The following RNF185 variants were observed in gnomAD, a reference collection of about 807,000 sequenced individuals.
The protein encoded by RNF185 is ring finger protein 185.
A neutral mutation model predicts 24.9 loss-of-function variants in RNF185; 13 were observed. The observed-to-expected ratio is 0.52, with a 90% CI of 0.34 to 0.83. The LOEUF (loss-of-function observed/expected upper bound fraction) is 0.83. RNF185 is among the 40% of genes least tolerant of loss of function. RNF185 has a pLI of 0.01. For synonymous variants in RNF185, 79 were observed against 90.3 expected (o/e 0.88, Z 0.71); for missense variants, 184 against 244.7 (o/e 0.75, Z 1.65).
rs1315419292 is a variant in RNF185, at chr22:31,192,260, A to G, written c.177-424A>G. Reference sequence around the variant, plus strand: ...TGAACCCACTGAAATTGAGTGTAAAATAGTGTGTAGTACATGTGTATGTGA... The same window carrying G: ...TGAACCCACTGAAATTGAGTGTAAAGTAGTGTGTAGTACATGTGTATGTGA... On this transcript the variant is annotated intron_variant, in intron 2 of 6. Transcript: ENST00000326132. 7.9e-5 allele frequency among the ~76,000 whole-genome samples: 12 copies of G among 152,172 alleles called. No homozygotes were observed. The East Asian group carries it at 2.3e-3, about 29-fold the overall frequency.
Position 31,201,616 on chromosome 22 carries a change from G to C in RNF185, c.481+1G>C, listed in dbSNP as rs2048264028. ...ATAAATGATGGGCGGCCTCCTCCAG[G>C]TAAGACCCTATTTCCTTGAGAAATT... On this transcript the variant is annotated splice_donor_variant, in intron 6 of 6. Coordinates refer to ENST00000326132, the MANE Select transcript of RNF185 (RefSeq NM_152267.4). LOFTEE classifies it high-confidence loss of function. The C allele has an allele frequency of 6.3e-7, 1 of 1,594,982 alleles. No homozygotes were observed. The highest frequency in any genetic ancestry group is 8.6e-7 in the Non-Finnish European group (1 of 1,163,004).
chr22:31,162,650 G>A (rs545392432), intron 1 of RNF185, among the ~76,000 whole-genome samples: 92 of 150,332 alleles, frequency 6.1e-4, no homozygotes, highest in Admixed American at 1.6e-3. Flanking sequence ...GCACACGTTA[G>A]CAAATTCTGA....
chr22:31,162,765 T>TA (rs1287808925), intron 1 of RNF185, among the ~76,000 whole-genome samples: 2 of 117,260 alleles, frequency 1.7e-5, no homozygotes, highest in African/African-American at 6.1e-5. Flanking sequence ...CATTTTTCTT[T>TA]CTTTTTTTTT....
chr22:31,202,910 G>A (rs7289883), intron 6 of RNF185, among the ~76,000 whole-genome samples: 10,562 of 152,126 alleles, frequency 0.069, 1,225 homozygotes, highest in African/African-American at 0.24. Context: ...CACCGCGCCC[G>A]GCCCTGGGGA....
chr22:31,187,330 C>T (rs1248435183), intron 2 of RNF185, 60 bp downstream of exon 2: 5 of 1,593,432 alleles, frequency 3.1e-6, no homozygotes, highest in Admixed American at 1.7e-5. Flanking sequence ...GCCTGTGGCC[C>T]TGGGTGGTTT....
chr22:31,186,579 G>T (rs2048100490), intron 1 of RNF185, among the ~76,000 whole-genome samples: 1 of 152,206 alleles, frequency 6.6e-6, no homozygotes, highest in African/African-American at 2.4e-5. Flanking sequence ...TCCAGCCTGG[G>T]CGACAGAGTG....
Position 31,174,630 on chromosome 22 carries a change from G to A in RNF185, c.-48-12417G>A, listed in dbSNP as rs915097782. On this transcript the variant is annotated intron_variant, in intron 1 of 6. Coordinates refer to ENST00000326132, the MANE Select transcript of RNF185 (RefSeq NM_152267.4). ...TGGCCTTAACTGATCCTCCTGCCTC[G>A]GCCTCCCAAAGTGCTAAGATTACAG... is the stretch of plus-strand genomic sequence containing the variant. Among the ~76,000 whole-genome samples the A allele has an allele frequency of 8.6e-5, 13 of 151,930 alleles. No individual in the cohort carries two copies. In the Middle Eastern group the frequency reaches 9.5e-3, roughly 111 times the overall value.
rs543579183 is a variant in RNF185 at position 31,163,283 on chromosome 22, A to G, written c.-49+2980A>G. Among the ~76,000 whole-genome samples, 10 of 152,040 alleles carry G rather than the reference A, an allele frequency of 6.6e-5. No individual in the cohort carries two copies. In the East Asian group the frequency reaches 9.7e-4, roughly 15 times the overall value. On this transcript the variant is annotated intron_variant, in intron 1 of 6. Transcript: ENST00000326132. ...CCACAGAGTCTGAAGTATTTACTCT[A>G]TGGCCCTTTATGGAAAAAAAATTGC...
chr22:31,173,153 A>G (rs897084811), intron 1 of RNF185, among the ~76,000 whole-genome samples: 1 of 152,006 alleles, frequency 6.6e-6, no homozygotes, highest in African/African-American at 2.4e-5. Context: ...TGAGTATGTT[A>G]TCTTTAATAG....
At chr22:31,173,605 T>A (rs1442092611) in intron 1 of RNF185, among the ~76,000 whole-genome samples, 2 of 152,178 alleles carry the variant, frequency 1.3e-5, no homozygotes, top group Non-Finnish European at 2.9e-5. Flanking sequence ...ACTAGGTCTG[T>A]GACCATGGGC....
chr22:31,195,649 C>T, intron 4 of RNF185, 68 bp downstream of exon 4: 10 of 963,156 alleles, frequency 1.0e-5, no homozygotes, highest in Non-Finnish European at 1.6e-5. Flanking sequence ...CATTCAGCAT[C>T]CCCTAACCCC....
At chr22:31,161,581 A>C (rs993423105) in intron 1 of RNF185, among the ~76,000 whole-genome samples, 3 of 152,214 alleles carry the variant, frequency 2.0e-5, no homozygotes, top group Non-Finnish European at 2.9e-5. Flanking sequence ...ATGGGTTAGT[A>C]GCTTTTTTCT....
chr22:31,171,150 G>GATTT (rs1344018155), intron 1 of RNF185, among the ~76,000 whole-genome samples: 9 of 71,400 alleles, frequency 1.3e-4, no homozygotes, highest in African/African-American at 6.2e-4. Flanking sequence ...GACCTTCTCT[G>GATTT]ATTTACTTAT....
chr22:31,166,622 C>CCTCCTT (rs1568958303), intron 1 of RNF185, among the ~76,000 whole-genome samples: 1 of 149,410 alleles, frequency 6.7e-6, no homozygotes. Flanking sequence ...TCCTCCTCCT[C>CCTCCTT]CTTCTTCTTC....
chr22:31,204,141 G>A (rs772524695), intron 6 of RNF185, among the ~76,000 whole-genome samples: 1 of 151,446 alleles, frequency 6.6e-6, no homozygotes, highest in East Asian at 2.0e-4. Flanking sequence ...TCAGGAGTTC[G>A]AGACCAGCCT....
At chr22:31,166,473 T>C (rs879781963) in intron 1 of RNF185, among the ~76,000 whole-genome samples, 1 of 152,192 alleles carries the variant, frequency 6.6e-6, no homozygotes, top group Non-Finnish European at 1.5e-5. Context: ...CATATCTTGC[T>C]TTTTCTTATT....
intron 2 of RNF185, 58 bp from the exon 3 acceptor site, chr22:31,192,626 C>T: frequency 2.0e-6 from 3 of 1,505,960 alleles, no homozygotes; most frequent in Admixed American, 1.7e-5. Context: ...AAACATTTTT[C>T]TTCCTTTCCC....
intron 1 of RNF185, among the ~76,000 whole-genome samples, chr22:31,176,454 C>G (rs1382869875): frequency 6.8e-6 from 1 of 147,974 alleles, no homozygotes; most frequent in Non-Finnish European, 1.5e-5. Context: ...ATATATTCAA[C>G]TTTGTATACA....
At chr22:31,181,712 G>C (rs896247557) in intron 1 of RNF185, among the ~76,000 whole-genome samples, 4 of 152,138 alleles carry the variant, frequency 2.6e-5, no homozygotes, top group Admixed American at 1.3e-4. Context: ...TAGGGACGTG[G>C]ATGAAGCTGG....
Sources: gnomAD v4.1 joint callset for allele counts (sites outside exome capture counted in the v4.1 genomes callset) on GRCh38, gnomAD v4.1.1 for gene constraint, MANE v1.5 for transcripts, NCBI Gene and HGNC (gene_info 2026-07-23, HGNC 2026-07-21) for gene names.